Variants in PTPN7 observed in about 807,000 individuals in gnomAD.
The protein encoded by PTPN7 is protein tyrosine phosphatase non-receptor type 7.
Under a neutral mutation model 50.3 loss-of-function variants are expected in PTPN7, and 33 were observed. That is an observed-to-expected ratio of 0.66 (90% CI 0.50 to 0.88). PTPN7 has a LOEUF of 0.88. Ranked by LOEUF, PTPN7 falls within the 40% of genes least tolerant of loss-of-function variation. The probability of loss-of-function intolerance (pLI) is 0.00; values close to 1 mark genes in which losing one functional copy is unlikely to be tolerated. For synonymous variants in PTPN7, 185 were observed against 186.6 expected (o/e 0.99, Z 0.07); for missense variants, 412 against 475.4 (o/e 0.87, Z 1.24).
intron 9 of PTPN7, 81 bp from the exon 10 acceptor site, chr1:202,148,780 T>C: frequency 8.5e-7 from 1 of 1,178,812 alleles, no homozygotes; most frequent in Non-Finnish European, 1.2e-6. Flanking sequence ...ATCCCTGTGG[T>C]CCTACTGGGA....
In PTPN7 at chr1:202,152,538, G is replaced by A. The variant is rs760529011; in HGVS notation, c.875+4C>T. On this transcript the variant is annotated splice_donor_region_variant and intron_variant, in intron 8 of 9. Coordinates refer to ENST00000691036, the MANE Select transcript of PTPN7 (RefSeq NM_002832.4). ...CAGGCTGCAGTGAAGGGAGGGCCAC[G>A]CACCTGCAGTGGACTACGATAGGCC... 4.3e-5 allele frequency: 69 copies of A among 1,611,338 alleles called. No individual in the cohort carries two copies. Among genetic ancestry groups the A allele is most frequent in the Non-Finnish European group, 3.7e-5 (44 of 1,179,676 alleles).
Position 202,150,266 on chromosome 1 carries a change from G to C in PTPN7, c.989+45C>G, listed in dbSNP as rs115609498. The C allele has an allele frequency of 2.3e-4, 340 of 1,480,416 alleles. 2 individuals carry two copies. The African/African-American group carries it at 4.0e-3, about 17-fold the overall frequency. 91.7% of individuals were successfully genotyped at this position (1,480,416 alleles called of 1,614,324 possible). Reference sequence around the variant, plus strand: ...AACTCTGGGGCCCAGAGGCACTGATGCCATCCGTTAACGTTGTTGGCCTTG... The same window carrying C: ...AACTCTGGGGCCCAGAGGCACTGATCCCATCCGTTAACGTTGTTGGCCTTG... On this transcript the variant is annotated intron_variant, in intron 9 of 9. Transcript: ENST00000691036.
chr1:202,161,336 G>A (rs1245954475), upstream of PTPN7: 5 of 1,187,966 alleles, frequency 4.2e-6, no homozygotes, highest in Non-Finnish European at 5.3e-6. Flanking sequence ...TGGGCCCTCA[G>A]CCCCCTGCAG....
intron 9 of PTPN7, among the ~76,000 whole-genome samples, chr1:202,148,947 C>A (rs986106441): frequency 2.0e-5 from 3 of 149,892 alleles, no homozygotes; most frequent in Non-Finnish European, 4.4e-5. Flanking sequence ...CCTCTGCCTC[C>A]CAGGTTCAAG....
rs374801287 is a variant in PTPN7, at chr1:202,148,717, C to T, written c.990-18G>A. On this transcript the variant is annotated intron_variant, in intron 9 of 9. Transcript: ENST00000691036. Reference sequence around the variant, plus strand: ...TCCCCCCTCTGCAAGGAGAAACACACAGACCATGAGTGAAGGAGGGTCAGG... The same window carrying T: ...TCCCCCCTCTGCAAGGAGAAACACATAGACCATGAGTGAAGGAGGGTCAGG... 6.2e-6 allele frequency: 10 copies of T among 1,610,716 alleles called. No homozygotes were observed. In the African/African-American group the frequency reaches 1.2e-4, roughly 19 times the overall value.
chr1:202,159,616 G>A lies in PTPN7; in HGVS notation c.-52-162C>T, dbSNP rs1657123801. On this transcript the variant is annotated intron_variant, in intron 1 of 9. Coordinates refer to ENST00000691036, the MANE Select transcript of PTPN7 (RefSeq NM_002832.4). The surrounding 1 kb of genome is among the most constrained non-coding windows in gnomAD (Gnocchi z 4.6). ...AAGGGAAGGACAGGATCTATTTGGT[G>A]GGACCCAGGGCAGAAGGCAGTCTCG... The A allele has an allele frequency of 1.4e-6, 2 of 1,479,530 alleles. No homozygotes were observed. The highest frequency in any genetic ancestry group is 1.8e-6 in the Non-Finnish European group (2 of 1,119,184). The allele number at this position is 1,479,530 out of a possible 1,614,324, so 91.7% of individuals were successfully genotyped here. A position where few individuals can be genotyped will look rare whatever the true frequency, so the allele number is the denominator to read the frequency against.
Position 202,159,731 on chromosome 1 carries a change from CACACACCAGAGT to C in PTPN7, c.-52-289_-52-278del. Reference sequence around the variant, plus strand: ...AGGAAAAGAGAGAGGGGAGAGAGGCCACACACCAGAGTACACAGGGCTCTGAGCAGGTCCAAG... The same window carrying C: ...AGGAAAAGAGAGAGGGGAGAGAGGCCACACAGGGCTCTGAGCAGGTCCAAG... On this transcript the variant is annotated intron_variant, in intron 1 of 9. Coordinates refer to ENST00000691036, the MANE Select transcript of PTPN7 (RefSeq NM_002832.4). This position sits in a 1 kb window ranked among gnomAD's most constrained non-coding sequence, Gnocchi z 4.6. 2 of 1,357,492 alleles carry C rather than the reference CACACACCAGAGT, an allele frequency of 1.5e-6. No individual in the cohort carries two copies. Among genetic ancestry groups the C allele is most frequent in the Non-Finnish European group, 1.9e-6 (2 of 1,056,092 alleles). The allele number at this position is 1,357,492 out of a possible 1,614,324, so 84.1% of individuals were successfully genotyped here.
chr1:202,148,570 G>C lies in PTPN7; in HGVS notation c.*36C>G. The C allele has an allele frequency of 6.3e-7, 1 of 1,579,956 alleles. No homozygotes were observed. Among genetic ancestry groups the C allele is most frequent in the South Asian group, 1.1e-5 (1 of 89,988 alleles). On this transcript the variant is annotated 3_prime_UTR_variant, in exon 10 of 10. Coordinates refer to ENST00000691036, the MANE Select transcript of PTPN7 (RefSeq NM_002832.4). Reference sequence around the variant, plus strand: ...CAGACCCACCTTCCCAGGCTTGAGGGAGGTAGGCACCTGGGCCACCGGAGG... The same window carrying C: ...CAGACCCACCTTCCCAGGCTTGAGGCAGGTAGGCACCTGGGCCACCGGAGG...
intron 8 of PTPN7, among the ~76,000 whole-genome samples, chr1:202,150,782 A>G (rs1037291819): frequency 2.0e-5 from 3 of 151,794 alleles, no homozygotes; most frequent in African/African-American, 7.3e-5. Context: ...AGCCCTCCTT[A>G]TCTAACCTTG....
rs1657219385 is a variant in PTPN7, at chr1:202,160,254, A to T, written c.-53+291T>A. Among the ~76,000 whole-genome samples, 1 of 152,114 alleles carries T rather than the reference A, an allele frequency of 6.6e-6. No homozygotes were observed. Among genetic ancestry groups the T allele is most frequent in the Non-Finnish European group, 1.5e-5 (1 of 68,008 alleles). ...GGGGGTGTTGAATCACCAAGGCAGCAGGGACGGAGGTGAGGGGACAGAATG... is the reference window on the plus strand; with the variant it reads ...GGGGGTGTTGAATCACCAAGGCAGCTGGGACGGAGGTGAGGGGACAGAATG... On this transcript the variant is annotated intron_variant, in intron 1 of 9. Coordinates refer to ENST00000691036, the MANE Select transcript of PTPN7 (RefSeq NM_002832.4). This position sits in a 1 kb window ranked among gnomAD's most constrained non-coding sequence, Gnocchi z 4.8.
In PTPN7 at chr1:202,160,419, C is replaced by T. The variant is rs895249257; in HGVS notation, c.-53+126G>A. 12 of 1,005,362 alleles carry T rather than the reference C, an allele frequency of 1.2e-5. No individual in the cohort carries two copies. Among genetic ancestry groups the T allele is most frequent in the Non-Finnish European group, 1.6e-5 (11 of 685,512 alleles). 62.3% of individuals were successfully genotyped at this position (1,005,362 alleles called of 1,614,324 possible). ...GACATCAGGTCTGTGAGCACCCATA[C>T]CCCAGCCAGGCACTGTGGCGCCCCA... is the stretch of plus-strand genomic sequence containing the variant. On this transcript the variant is annotated intron_variant, in intron 1 of 9. Coordinates refer to ENST00000691036, the MANE Select transcript of PTPN7 (RefSeq NM_002832.4). The surrounding 1 kb of genome is among the most constrained non-coding windows in gnomAD (Gnocchi z 4.8).
chr1:202,155,663 A>C, intron 4 of PTPN7, 54 bp from the exon 5 acceptor site: 1 of 1,435,558 alleles, frequency 7.0e-7, no homozygotes, highest in Non-Finnish European at 9.8e-7. Context: ...CAACTAACAC[A>C]GACTCAAGCA....
chr1:202,158,486 G>C, intron 2 of PTPN7, 185 bp from the exon 3 acceptor site: 1 of 577,514 alleles, frequency 1.7e-6, no homozygotes, highest in South Asian at 2.3e-5. Flanking sequence ...TCAGCCTCCA[G>C]AGTAACTGGG....
At chr1:202,151,008 G>C (rs534800336) in intron 8 of PTPN7, among the ~76,000 whole-genome samples, 4 of 152,260 alleles carry the variant, frequency 2.6e-5, no homozygotes, top group East Asian at 1.9e-4. Context: ...GGTGGGCTGG[G>C]AGGCCCCTGT....
At chr1:202,160,642 T>C, upstream of PTPN7, 1 of 1,550,560 alleles carries the variant, frequency 6.4e-7, no homozygotes, top group Middle Eastern at 1.7e-4. This position sits in a 1 kb window ranked among gnomAD's most constrained non-coding sequence, Gnocchi z 4.8. Flanking sequence ...GCCAGCTTCC[T>C]CCCTCCGCCC....
upstream of PTPN7, chr1:202,160,807 T>C (rs558674900): frequency 9.2e-5 from 141 of 1,540,154 alleles, no homozygotes; most frequent in Middle Eastern, 1.5e-3. The surrounding 1 kb of genome is among the most constrained non-coding windows in gnomAD (Gnocchi z 4.8). Context: ...TTCCCGACCA[T>C]CCTGCTTTCC....
intron 9 of PTPN7, among the ~76,000 whole-genome samples, chr1:202,149,662 A>G (rs955885898): frequency 6.6e-6 from 1 of 151,948 alleles, no homozygotes; most frequent in Non-Finnish European, 1.5e-5. Context: ...AAAAAAAGAA[A>G]TGGGGGCTCA....
At position 202,148,540 on chromosome 1, in the gene PTPN7, T is replaced by G; in HGVS notation, c.*66A>C. ...GTACCCCCAGATCACTCGGCCCACT[T>G]TCCCCAGACCCACCTTCCCAGGCTT... On this transcript the variant is annotated 3_prime_UTR_variant, in exon 10 of 10. Coordinates refer to ENST00000691036, the MANE Select transcript of PTPN7 (RefSeq NM_002832.4). 1 of 1,470,936 alleles carries G rather than the reference T, an allele frequency of 6.8e-7. No homozygotes were observed. Among genetic ancestry groups the G allele is most frequent in the Non-Finnish European group, 9.4e-7 (1 of 1,060,998 alleles). The allele number at this position is 1,470,936 out of a possible 1,614,324, so 91.1% of individuals were successfully genotyped here.
upstream of PTPN7, chr1:202,161,206 G>T (rs1444827052): frequency 4.5e-6 from 5 of 1,116,204 alleles, no homozygotes; most frequent in African/African-American, 1.6e-5. Flanking sequence ...GGCCAAAAAG[G>T]TCGTCTCCAC....
Sources: allele counts gnomAD v4.1 joint callset (sites outside exome capture counted in the v4.1 genomes callset), GRCh38; gene constraint gnomAD v4.1.1; non-coding constraint Gnocchi (gnomAD v3.1); transcripts MANE v1.5; gene names NCBI Gene and HGNC (gene_info 2026-07-23, HGNC 2026-07-21).